The following CDH19 variants were observed in gnomAD, a reference collection of about 807,000 sequenced individuals.
CDH19 encodes the protein cadherin-19.
CDH19 carries 67 observed loss-of-function variants against 64.2 expected under a neutral mutation model. The ratio of observed to expected loss-of-function variants is 1.04; its 90% CI spans 0.86 to 1.28. CDH19 has a LOEUF of 1.28. CDH19 is among the 50% of genes most tolerant of loss of function. CDH19 has a pLI of 0.00. For synonymous variants in CDH19, 346 were observed against 319.3 expected, an observed-to-expected ratio of 1.08 and a Z score of -0.89; for missense variants, 1,030 against 929.0, an observed-to-expected ratio of 1.11 and a Z score of -1.41.
rs536993236 is a variant in CDH19, at chr18:66,556,619, A to G, written c.491-2095T>C. On this transcript the variant is annotated intron_variant, in intron 3 of 11. Coordinates refer to ENST00000262150, the MANE Select transcript of CDH19 (RefSeq NM_021153.4). Reference sequence around the variant, plus strand: ...AGATTTTCTTCTTTGATGAGACTTAATAATATTCCACTGTAAATATATGAC... The same window carrying G: ...AGATTTTCTTCTTTGATGAGACTTAGTAATATTCCACTGTAAATATATGAC... Among the ~76,000 whole-genome samples the G allele has an allele frequency of 5.3e-5, 8 of 152,038 alleles. No homozygotes were observed. In the East Asian group the frequency reaches 7.7e-4, roughly 15 times the overall value.
At chr18:66,598,706 G>C (rs1168678997) in intron 1 of CDH19, among the ~76,000 whole-genome samples, 1 of 151,918 alleles carries the variant, frequency 6.6e-6, no homozygotes, top group Non-Finnish European at 1.5e-5. Context: ...GAGAGGGCGA[G>C]AATCAAAAAA....
chr18:66,572,078 G>C lies in CDH19; in HGVS notation c.127C>G (p.Arg43Gly). The C allele has an allele frequency of 6.2e-7, 1 of 1,611,404 alleles. No individual in the cohort carries two copies. Among genetic ancestry groups the C allele is most frequent in the Non-Finnish European group, 8.5e-7 (1 of 1,178,328 alleles). The change falls in exon 2 of 12, where the codon CGT becomes GGT. Residue 43 changes from arginine (R) to glycine (G), a missense_variant. Coordinates refer to ENST00000262150, the MANE Select transcript of CDH19 (RefSeq NM_021153.4). ...QPVRSHLRVK[R>G]GWVWNQFFVP... Reference sequence around the variant, plus strand: ...AAAAATTGGTTCCACACCCAGCCACGCTTCACTCTCAAATGAGATCGCACT... The same window carrying C: ...AAAAATTGGTTCCACACCCAGCCACCCTTCACTCTCAAATGAGATCGCACT...
intron 9 of CDH19, among the ~76,000 whole-genome samples, chr18:66,529,204 A>T (rs1464750908): frequency 6.6e-6 from 1 of 151,878 alleles, no homozygotes; most frequent in Non-Finnish European, 1.5e-5. Context: ...ATTTGTACAA[A>T]ACTCAGTTTT....
chr18:66,575,115 T>C (rs1988227737), intron 1 of CDH19, among the ~76,000 whole-genome samples: 1 of 151,838 alleles, frequency 6.6e-6, no homozygotes, highest in Non-Finnish European at 1.5e-5. Context: ...TTTTTTCATT[T>C]CCTCCATGGA....
intron 10 of CDH19, among the ~76,000 whole-genome samples, chr18:66,511,235 G>A (rs1178078374): frequency 6.6e-6 from 1 of 151,680 alleles, no homozygotes; most frequent in Non-Finnish European, 1.5e-5. Flanking sequence ...CTCAGTCATA[G>A]ATTGAAGTCT....
At position 66,504,904 on chromosome 18, in the gene CDH19, G is replaced by A. The variant is rs775072291; in HGVS notation, c.2227C>T (p.Gln743Ter). ...TTAAGGTAATCATAGCTTTCATCCT[G>A]ATCAGAGACTGCTGATTCTAAGGAG... ...LSSLESAVSDQDESYDYLNEL... is the reference protein window; with the variant it reads ...LSSLESAVSD Residue 743 changes from glutamine (Q) to a stop codon, truncating the protein, a stop_gained, in exon 12 of 12, where the codon CAG (glutamine) becomes TAG (stop). Transcript: ENST00000262150. LOFTEE classifies it high-confidence loss of function. 3 of 1,613,338 alleles carry A rather than the reference G, an allele frequency of 1.9e-6. No homozygotes were observed. The highest frequency in any genetic ancestry group is 3.3e-5 in the Admixed American group (2 of 59,840).
At chr18:66,539,778 C>T (rs1223593851) in intron 7 of CDH19, among the ~76,000 whole-genome samples, 1 of 150,556 alleles carries the variant, frequency 6.6e-6, no homozygotes, top group Non-Finnish European at 1.5e-5. Context: ...ACTGGAACTG[C>T]TCTTTTTTTA....
chr18:66,532,713 C>G (rs1014133503), intron 8 of CDH19: 1 of 451,898 alleles, frequency 2.2e-6, no homozygotes, highest in Non-Finnish European at 4.5e-6. Context: ...TCCCTATATC[C>G]TAGATGTGGG....
Position 66,552,063 on chromosome 18 carries a change from G to A in CDH19, c.611-805C>T, listed in dbSNP as rs557483428. Among the ~76,000 whole-genome samples the A allele has an allele frequency of 8.5e-4, 130 of 152,106 alleles. 1 individual carries two copies. The highest frequency in any genetic ancestry group is 6.8e-3 in the Middle Eastern group (2 of 294). On this transcript the variant is annotated intron_variant, in intron 4 of 11. Coordinates refer to ENST00000262150, the MANE Select transcript of CDH19 (RefSeq NM_021153.4). ...AGACACTCAGGACTACTAGAGAGGG[G>A]AAGGAGGGAGTGGGGGAGATAGTTG...
chr18:66,520,631 C>T (rs572518890), intron 9 of CDH19, among the ~76,000 whole-genome samples: 2 of 152,036 alleles, frequency 1.3e-5, no homozygotes, highest in Admixed American at 6.5e-5. Context: ...TTATATTTTA[C>T]CCATTCTACC....
chr18:66,564,547 T>G (rs1375353303), intron 3 of CDH19, among the ~76,000 whole-genome samples: 2 of 151,954 alleles, frequency 1.3e-5, no homozygotes, highest in African/African-American at 2.4e-5. Flanking sequence ...GTCTTTTTAC[T>G]AGACAATATA....
chr18:66,523,374 A>G (rs1458173834), intron 9 of CDH19, among the ~76,000 whole-genome samples: 1 of 152,140 alleles, frequency 6.6e-6, no homozygotes, highest in East Asian at 1.9e-4. Flanking sequence ...GAGGACAGCC[A>G]AGCGTGGGCG....
intron 7 of CDH19, among the ~76,000 whole-genome samples, chr18:66,543,410 T>C (rs1306356700): frequency 1.3e-5 from 2 of 152,140 alleles, no homozygotes; most frequent in African/African-American, 4.8e-5. Flanking sequence ...TTATCTCCTT[T>C]CCCCAATTAA....
At chr18:66,575,214 G>C (rs867929293) in intron 1 of CDH19, among the ~76,000 whole-genome samples, 1 of 151,726 alleles carries the variant, frequency 6.6e-6, no homozygotes, top group Admixed American at 6.6e-5. Flanking sequence ...ATTTTTTATG[G>C]ACTCTGGGGT....
At chr18:66,585,576 A>T (rs1003701653) in intron 1 of CDH19, among the ~76,000 whole-genome samples, 3 of 152,120 alleles carry the variant, frequency 2.0e-5, no homozygotes, top group African/African-American at 4.8e-5. Context: ...TCCGGCACGT[A>T]TTAAGAGTTA....
rs1014494943 is a variant in CDH19 at position 66,502,863 on chromosome 18, T to C, written c.*1949A>G. On this transcript the variant is annotated 3_prime_UTR_variant, in exon 12 of 12. Transcript: ENST00000262150. ...AATTATTTCACTTCAAATCTGGTTT[T>C]CTCAAGCTTTTGTGAAATGATAATA... is the stretch of plus-strand genomic sequence containing the variant. 4.6e-5 allele frequency: 7 copies of C among 151,952 alleles called. No individual in the cohort carries two copies. Among genetic ancestry groups the C allele is most frequent in the African/African-American group, 1.7e-4 (7 of 41,456 alleles). 9.4% of individuals were successfully genotyped at this position (151,952 alleles called of 1,614,324 possible).
At chr18:66,561,277 C>T (rs1013735257) in intron 3 of CDH19, among the ~76,000 whole-genome samples, 2 of 152,044 alleles carry the variant, frequency 1.3e-5, no homozygotes, top group African/African-American at 4.8e-5. Flanking sequence ...ACAAATGCTT[C>T]TAGGACATGA....
At chr18:66,579,919 CAG>C (rs1240486595) in intron 1 of CDH19, among the ~76,000 whole-genome samples, 1 of 151,768 alleles carries the variant, frequency 6.6e-6, no homozygotes, top group Non-Finnish European at 1.5e-5. Context: ...TTAGAAATGA[CAG>C]GGTGTCTTGA....
chr18:66,578,609 C>A (rs934546300), intron 1 of CDH19, among the ~76,000 whole-genome samples: 1 of 151,730 alleles, frequency 6.6e-6, no homozygotes, highest in Non-Finnish European at 1.5e-5. Context: ...ATGATCCAGC[C>A]ATTCTAGATA....
Sources: gnomAD v4.1 joint callset for allele counts (sites outside exome capture counted in the v4.1 genomes callset) on GRCh38, gnomAD v4.1.1 for gene constraint, MANE v1.5 for transcripts, NCBI Gene and HGNC (gene_info 2026-07-23, HGNC 2026-07-21) for gene names.